CHST11: variants seen among roughly 807,000 people sequenced by gnomAD.
CHST11 encodes carbohydrate sulfotransferase 11, also known as C4S-1.
Under a neutral mutation model 30.4 loss-of-function variants are expected in CHST11, and 9 were observed. That is an observed-to-expected ratio of 0.30 (90% CI 0.18 to 0.52). The LOEUF is 0.52. Ranked by LOEUF, CHST11 falls within the 20% of genes least tolerant of loss-of-function variation. The pLI, the probability that CHST11 is intolerant of heterozygous loss-of-function variation, is 0.97. For missense variants in CHST11, 348 were observed against 460.6 expected, an observed-to-expected ratio of 0.76 and a Z score of 2.24; for synonymous variants, 152 against 187.8, an observed-to-expected ratio of 0.81 and a Z score of 1.56.
At chr12:104,465,301 G>C (rs2037446970) in intron 1 of CHST11, among the ~76,000 whole-genome samples, 1 of 152,182 alleles carries the variant, frequency 6.6e-6, no homozygotes, top group Non-Finnish European at 1.5e-5. Context: ...TATTTTCAGA[G>C]CCCAGGGCTT....
rs1565960203 is a variant in CHST11, at chr12:104,488,638, CGTGTGTATGTGT to C, written c.118+31123_118+31134del. ...GTATGTGTGCATGTATGTGTGTGTG[CGTGTGTATGTGT>C]GTGTGTATGTGTGCGTGTATGTGTA... On this transcript the variant is annotated intron_variant, in intron 1 of 2. Transcript: ENST00000303694. Among the ~76,000 whole-genome samples the C allele has an allele frequency of 1.0e-4, 7 of 67,482 alleles. 1 individual carries two copies. The highest frequency in any genetic ancestry group is 3.2e-5 in the Non-Finnish European group (1 of 30,774). 44.3% of individuals were successfully genotyped at this position (67,482 alleles called of 152,430 possible).
chr12:104,522,737 C>A (rs1412940474), intron 1 of CHST11, among the ~76,000 whole-genome samples: 1 of 152,146 alleles, frequency 6.6e-6, no homozygotes, highest in African/African-American at 2.4e-5. Context: ...CTGCCTCAGC[C>A]TCCTAAAGTG....
intron 2 of CHST11, among the ~76,000 whole-genome samples, chr12:104,627,664 A>G (rs568673489): frequency 3.9e-5 from 6 of 152,352 alleles, no homozygotes; most frequent in Non-Finnish European, 7.3e-5. Context: ...AGCACTCCCA[A>G]GTATTTGACG....
intron 1 of CHST11, among the ~76,000 whole-genome samples, chr12:104,503,571 C>T (rs559690473): frequency 6.6e-6 from 1 of 152,224 alleles, no homozygotes; most frequent in South Asian, 2.1e-4. Context: ...CAATAAGAGT[C>T]TTTCCATTCT....
At chr12:104,752,341 A>G (rs571993088) in intron 2 of CHST11, among the ~76,000 whole-genome samples, 25 of 152,236 alleles carry the variant, frequency 1.6e-4, no homozygotes, top group African/African-American at 5.8e-4. Context: ...CTAATCCAGT[A>G]TCATCTCATC....
chr12:104,464,274 G>A (rs993297912), intron 1 of CHST11, among the ~76,000 whole-genome samples: 2 of 151,864 alleles, frequency 1.3e-5, no homozygotes, highest in Non-Finnish European at 2.9e-5. Context: ...TGCCATGTTG[G>A]CCAAGCTGGT....
intron 1 of CHST11, among the ~76,000 whole-genome samples, chr12:104,466,783 T>G (rs1471891377): frequency 6.6e-6 from 1 of 152,248 alleles, no homozygotes; most frequent in Non-Finnish European, 1.5e-5. Context: ...TTTCTGCATA[T>G]TACTACCATT....
At chr12:104,528,008 T>C (rs2038145459) in intron 1 of CHST11, among the ~76,000 whole-genome samples, 1 of 152,154 alleles carries the variant, frequency 6.6e-6, no homozygotes, top group African/African-American at 2.4e-5. Flanking sequence ...TCCCACCAGG[T>C]TCCTCCCTTG....
intron 1 of CHST11, among the ~76,000 whole-genome samples, chr12:104,457,785 G>GT (rs35612022): frequency 0.052 from 7,158 of 137,560 alleles, 295 homozygotes; most frequent in East Asian, 0.2. Context: ...AGGGGCGGTA[G>GT]TTTTTTTTTT....
intron 1 of CHST11, chr12:104,553,305 C>A (rs2038422362): frequency 2.6e-5 from 4 of 152,186 alleles, no homozygotes; most frequent in African/African-American, 9.7e-5. Flanking sequence ...GAGGGCTTCA[C>A]ATACGAAGTG....
intron 2 of CHST11, among the ~76,000 whole-genome samples, chr12:104,603,854 C>T (rs942882579): frequency 6.6e-6 from 1 of 152,214 alleles, no homozygotes; most frequent in Non-Finnish European, 1.5e-5. Context: ...ATGAGCAATA[C>T]CTGCCTTGCA....
chr12:104,754,851 T>A (rs1375033268), intron 2 of CHST11, among the ~76,000 whole-genome samples: 1 of 152,184 alleles, frequency 6.6e-6, no homozygotes, highest in East Asian at 1.9e-4. Flanking sequence ...TATAAAAATT[T>A]TTAGTGGCGA....
intron 1 of CHST11, among the ~76,000 whole-genome samples, chr12:104,538,247 G>A (rs1375827567): frequency 2.0e-5 from 3 of 152,126 alleles, no homozygotes. Flanking sequence ...TTGGTCAAGT[G>A]TTTTGTAGGA....
chr12:104,659,575 CA>C (rs1163891075), intron 2 of CHST11, among the ~76,000 whole-genome samples: 1 of 151,924 alleles, frequency 6.6e-6, no homozygotes, highest in African/African-American at 2.4e-5. Flanking sequence ...GAATAAGTAC[CA>C]AAAAATGTAA....
chr12:104,627,870 G>A (rs998548126), intron 2 of CHST11, among the ~76,000 whole-genome samples: 3 of 152,160 alleles, frequency 2.0e-5, no homozygotes, highest in African/African-American at 4.8e-5. Flanking sequence ...AGCAGTGGCA[G>A]GACTGGTGGT....
chr12:104,475,634 A>G (rs532751941), intron 1 of CHST11, among the ~76,000 whole-genome samples: 1 of 131,622 alleles, frequency 7.6e-6, no homozygotes, highest in African/African-American at 2.7e-5. Context: ...CCCCTGCCCT[A>G]TGATGCCTCA....
Position 104,758,074 on chromosome 12 carries a change from A to G in CHST11, c.*271A>G. The G allele has an allele frequency of 3.3e-6, 1 of 302,102 alleles. No homozygotes were observed. The highest frequency in any genetic ancestry group is 6.1e-6 in the Non-Finnish European group (1 of 164,074). The allele number at this position is 302,102 out of a possible 1,614,324, so 18.7% of individuals were successfully genotyped here. On this transcript the variant is annotated 3_prime_UTR_variant, in exon 3 of 3. Transcript: ENST00000303694. ...TTCTGGTGAATTCCATGAATTGTGC[A>G]TTCCATAAATTCTAATTAATATTAT... is the stretch of plus-strand genomic sequence containing the variant.
chr12:104,603,521 A>G (rs1363322654), intron 2 of CHST11, among the ~76,000 whole-genome samples: 1 of 152,202 alleles, frequency 6.6e-6, no homozygotes. Context: ...GTGATTCAAA[A>G]CATGAAAGTC....
chr12:104,704,512 G>A (rs1474496322), intron 2 of CHST11, among the ~76,000 whole-genome samples: 2 of 152,134 alleles, frequency 1.3e-5, no homozygotes, highest in African/African-American at 4.8e-5. Flanking sequence ...AGGAGGGGGT[G>A]GGACCCAGCT....
Sources: allele counts gnomAD v4.1 joint callset (sites outside exome capture counted in the v4.1 genomes callset), GRCh38; gene constraint gnomAD v4.1.1; transcripts MANE v1.5; gene names NCBI Gene and HGNC (gene_info 2026-07-23, HGNC 2026-07-21).